The following NR6A1 variants were observed in gnomAD, a reference collection of about 807,000 sequenced individuals.
NR6A1 encodes nuclear receptor subfamily 6 group A member 1.
A neutral mutation model predicts 59.1 loss-of-function variants in NR6A1; 7 were observed. That is an observed-to-expected ratio of 0.12 (90% CI 0.07 to 0.22). NR6A1 has a LOEUF of 0.22. NR6A1 is among the 10% of genes least tolerant of loss of function. The pLI is 1.00. For missense variants in NR6A1, 468 were observed against 611.6 expected (o/e 0.77, Z 2.48); for synonymous variants, 243 against 236.1 (o/e 1.03, Z -0.27).
At chr9:124,604,588 C>T (rs1316312051) in intron 2 of NR6A1, among the ~76,000 whole-genome samples, 1 of 152,142 alleles carries the variant, frequency 6.6e-6, no homozygotes, top group Non-Finnish European at 1.5e-5. Context: ...GCGGGTAGAT[C>T]GTTTGAGTCC....
chr9:124,770,679 G>A (rs1588870826), intron 1 of NR6A1, among the ~76,000 whole-genome samples: 1 of 138,046 alleles, frequency 7.2e-6, no homozygotes, highest in African/African-American at 2.7e-5. Context: ...GGGGACCCGG[G>A]GGGAGGAGGG....
intron 1 of NR6A1, among the ~76,000 whole-genome samples, chr9:124,739,146 T>C (rs1276782121): frequency 7.0e-6 from 1 of 143,096 alleles, no homozygotes; most frequent in Admixed American, 7.0e-5. Flanking sequence ...CCAGATCACA[T>C]CACTGCACTC....
At chr9:124,738,652 T>C (rs1840084600) in intron 1 of NR6A1, among the ~76,000 whole-genome samples, 1 of 152,082 alleles carries the variant, frequency 6.6e-6, no homozygotes, top group Admixed American at 6.5e-5. Context: ...GTGGATCACC[T>C]GAGGTCAGGA....
rs1329951385 is a variant in NR6A1 at position 124,733,357 on chromosome 9, G to C, written c.101-8C>G. 4 of 1,609,590 alleles carry C rather than the reference G, an allele frequency of 2.5e-6. No homozygotes were observed. Among genetic ancestry groups the C allele is most frequent in the African/African-American group, 2.7e-5 (2 of 74,564 alleles). On this transcript the variant is annotated splice_polypyrimidine_tract_variant and splice_region_variant and intron_variant, in intron 1 of 9. Coordinates refer to ENST00000487099, the MANE Select transcript of NR6A1 (RefSeq NM_033334.4). ...ATTCATCCTGACAGAAACCTAAAGA[G>C]AAAACAATAGGAAAAAAAATTACAA...
intron 2 of NR6A1, among the ~76,000 whole-genome samples, chr9:124,625,660 G>T (rs1836218050): frequency 6.6e-6 from 1 of 152,128 alleles, no homozygotes; most frequent in Admixed American, 6.5e-5. Flanking sequence ...ATGCCAACTT[G>T]CTTGGCTGGG....
rs188474132 is a variant in NR6A1, at chr9:124,536,283, T to C, written c.825-151A>G. 54 of 918,422 alleles carry C rather than the reference T, an allele frequency of 5.9e-5. No homozygotes were observed. In the East Asian group the frequency reaches 8.3e-4, roughly 14 times the overall value. The allele number at this position is 918,422 out of a possible 1,614,324, so 56.9% of individuals were successfully genotyped here. ...GGTCTCCAGTTCCATTCAGTGTGAT[T>C]TTCTGATAAAGGGGGAAGGCTGAGG... On this transcript the variant is annotated intron_variant, in intron 6 of 9. Coordinates refer to ENST00000487099, the MANE Select transcript of NR6A1 (RefSeq NM_033334.4).
intron 2 of NR6A1, among the ~76,000 whole-genome samples, chr9:124,660,648 CAAAAAAAAA>C (rs753242760): frequency 2.4e-4 from 22 of 92,820 alleles, no homozygotes; most frequent in Non-Finnish European, 3.0e-4. Context: ...TCTGAGAATA[CAAAAAAAAA>C]AAAAAAAAAA....
chr9:124,531,337 T>G (rs1338560157), intron 7 of NR6A1, among the ~76,000 whole-genome samples: 1 of 152,230 alleles, frequency 6.6e-6, no homozygotes, highest in African/African-American at 2.4e-5. Context: ...CACTGTCTGA[T>G]AACGGTGTGA....
At chr9:124,591,612 C>T (rs1234429331) in intron 2 of NR6A1, among the ~76,000 whole-genome samples, 1 of 152,168 alleles carries the variant, frequency 6.6e-6, no homozygotes, top group African/African-American at 2.4e-5. Context: ...ACTAACAATC[C>T]ATCGAGGCTC....
intron 2 of NR6A1, among the ~76,000 whole-genome samples, chr9:124,726,803 G>C (rs984723562): frequency 1.3e-5 from 2 of 152,204 alleles, no homozygotes; most frequent in African/African-American, 4.8e-5. Context: ...ACTAACCTTG[G>C]AATGTAAGAG....
At chr9:124,598,838 T>C (rs924818831) in intron 2 of NR6A1, 1 of 744,618 alleles carries the variant, frequency 1.3e-6, no homozygotes, top group Non-Finnish European at 2.4e-6. Flanking sequence ...TCCAATCTCT[T>C]TACTGCATTC....
intron 2 of NR6A1, among the ~76,000 whole-genome samples, chr9:124,697,006 A>G (rs543059744): frequency 1.3e-5 from 2 of 152,300 alleles, no homozygotes; most frequent in East Asian, 1.9e-4. Context: ...CCATATCGAT[A>G]TATCAGAACC....
chr9:124,672,614 C>CAA (rs796418042), intron 2 of NR6A1, among the ~76,000 whole-genome samples: 100 of 138,432 alleles, frequency 7.2e-4, no homozygotes, highest in African/African-American at 2.6e-3. Context: ...GACTCCGTTT[C>CAA]AAAAAAAAAA....
At chr9:124,602,328 TATTC>T (rs571065283) in intron 2 of NR6A1, among the ~76,000 whole-genome samples, 230 of 152,338 alleles carry the variant, frequency 1.5e-3, no homozygotes, top group Non-Finnish European at 1.5e-3. Flanking sequence ...AGTTGGGACT[TATTC>T]ATCACATTTG....
chr9:124,534,166 A>G (rs1047749006), intron 7 of NR6A1, among the ~76,000 whole-genome samples: 2 of 147,384 alleles, frequency 1.4e-5, no homozygotes, highest in Non-Finnish European at 3.0e-5. Context: ...TCCACCTACC[A>G]GGTTCAAGCG....
chr9:124,553,185 G>A (rs1833824832), intron 3 of NR6A1, among the ~76,000 whole-genome samples: 1 of 152,134 alleles, frequency 6.6e-6, no homozygotes, highest in Non-Finnish European at 1.5e-5. Context: ...TGCCTCTAGA[G>A]CCTCTCTTCT....
At chr9:124,534,142 A>G (rs1347245501) in intron 7 of NR6A1, among the ~76,000 whole-genome samples, 1 of 146,696 alleles carries the variant, frequency 6.8e-6, no homozygotes, top group East Asian at 2.0e-4. Flanking sequence ...GCACAATCTC[A>G]GCTCACTGCA....
chr9:124,565,199 C>T (rs1437654832), intron 2 of NR6A1, among the ~76,000 whole-genome samples: 8 of 152,032 alleles, frequency 5.3e-5, no homozygotes, highest in Non-Finnish European at 7.4e-5. Flanking sequence ...GAGGCTCTGG[C>T]GGGCGGATCA....
chr9:124,543,217 C>T (rs932264992), intron 4 of NR6A1, among the ~76,000 whole-genome samples: 2 of 152,130 alleles, frequency 1.3e-5, no homozygotes, highest in Admixed American at 6.5e-5. Flanking sequence ...TCCCCAACCA[C>T]GGCTCTAGCC....
Sources: gnomAD v4.1 joint callset for allele counts (sites outside exome capture counted in the v4.1 genomes callset) on GRCh38, gnomAD v4.1.1 for gene constraint, MANE v1.5 for transcripts, NCBI Gene and HGNC (gene_info 2026-07-23, HGNC 2026-07-21) for gene names.